The following ARHGAP44 variants were observed in gnomAD, a reference collection of about 807,000 sequenced individuals.
ARHGAP44 encodes rho GTPase-activating protein 44.
Under a neutral mutation model 106.8 loss-of-function variants are expected in ARHGAP44, and 43 were observed. That is an observed-to-expected ratio of 0.40 (90% CI 0.32 to 0.52). The LOEUF (loss-of-function observed/expected upper bound fraction) is 0.52, where lower values mean the gene tolerates loss of function less well. Among genes scored for constraint, ARHGAP44 ranks in the 20% least tolerant of loss-of-function variants. The probability of loss-of-function intolerance (pLI) is 0.48; values close to 1 mark genes in which losing one functional copy is unlikely to be tolerated. For synonymous variants in ARHGAP44, 439 were observed against 410.3 expected, an observed-to-expected ratio of 1.07 and a Z score of -0.85; for missense variants, 866 against 1,050.5, an observed-to-expected ratio of 0.82 and a Z score of 2.43.
intron 1 of ARHGAP44, among the ~76,000 whole-genome samples, chr17:12,858,381 C>T (rs1261497189): frequency 6.6e-6 from 1 of 152,186 alleles, no homozygotes; most frequent in Non-Finnish European, 1.5e-5. Context: ...AGATTACTGG[C>T]TGCAGTTGTG....
rs143421987 is a variant in ARHGAP44, at chr17:12,795,763, G to A, written c.53+5872G>A. ...GTAGTTGTAGGTCAGGCAGGAGGTT[G>A]GGGGGAGAGTCAGAGAGTCAGGCCT... On this transcript the variant is annotated intron_variant, in intron 1 of 20. Coordinates refer to ENST00000379672, the MANE Select transcript of ARHGAP44 (RefSeq NM_014859.6). Among the ~76,000 whole-genome samples the A allele has an allele frequency of 6.4e-3, 970 of 152,092 alleles. 6 individuals are homozygous for A. Among genetic ancestry groups the A allele is most frequent in the Middle Eastern group, 0.031 (9 of 294 alleles).
At chr17:12,934,708 T>A (rs985266936) in intron 7 of ARHGAP44, among the ~76,000 whole-genome samples, 3 of 152,132 alleles carry the variant, frequency 2.0e-5, no homozygotes, top group African/African-American at 4.8e-5. Context: ...CTTAGGATAC[T>A]ATAATGGTGG....
intron 1 of ARHGAP44, among the ~76,000 whole-genome samples, chr17:12,893,222 C>G (rs975406282): frequency 7.2e-5 from 11 of 152,118 alleles, no homozygotes; most frequent in Admixed American, 6.6e-4. Context: ...CTTGTTAATA[C>G]TTGGTGGGTG....
intron 8 of ARHGAP44, among the ~76,000 whole-genome samples, 164 bp from the exon 9 acceptor site, chr17:12,943,424 G>T (rs2038757598): frequency 6.6e-6 from 1 of 152,186 alleles, no homozygotes; most frequent in Non-Finnish European, 1.5e-5. Context: ...TGTTATGGAG[G>T]CTAAAGAGGA....
chr17:12,801,910 C>G (rs890088408), intron 1 of ARHGAP44, among the ~76,000 whole-genome samples: 1 of 151,888 alleles, frequency 6.6e-6, no homozygotes, highest in Admixed American at 6.6e-5. Flanking sequence ...AAAAAGCTTC[C>G]AGGGCTCAAA....
chr17:12,970,793 CCTT>C, intron 16 of ARHGAP44, among the ~76,000 whole-genome samples: 1 of 152,316 alleles, frequency 6.6e-6, no homozygotes, highest in Non-Finnish European at 1.5e-5. Flanking sequence ...GCTGATATAA[CCTT>C]CTAGTTGGAT....
At chr17:12,901,424 T>C (rs145131192) in intron 3 of ARHGAP44, among the ~76,000 whole-genome samples, 123 of 152,120 alleles carry the variant, frequency 8.1e-4, no homozygotes, top group Non-Finnish European at 1.5e-3. Flanking sequence ...ATGTTCAAAA[T>C]TGTATGAATA....
At position 12,976,243 on chromosome 17, in the gene ARHGAP44, ACACACC is replaced by A. The variant is rs201648024; in HGVS notation, c.1763+1946_1763+1951del. ...ACACCATCACCACCAGCACACAAAC[ACACACC>A]CACACCCACACCAACCCCCTACATG... On this transcript the variant is annotated intron_variant, in intron 18 of 20. Coordinates refer to ENST00000379672, the MANE Select transcript of ARHGAP44 (RefSeq NM_014859.6). 8.8e-4 allele frequency among the ~76,000 whole-genome samples: 134 copies of A among 152,080 alleles called. 1 individual carries two copies. The East Asian group carries it at 0.02, about 23-fold the overall frequency.
chr17:12,944,005 C>G (rs138240086), intron 9 of ARHGAP44, 64 bp from the exon 10 acceptor site: 1 of 1,496,432 alleles, frequency 6.7e-7, no homozygotes, highest in African/African-American at 1.4e-5. Context: ...CAAAGGAAAG[C>G]GAGATTCCAG....
rs58514182 is a variant in ARHGAP44, at chr17:12,847,512, C to CTTTTTTT, written c.54-47415_54-47409dup. Among the ~76,000 whole-genome samples, 51 of 125,454 alleles carry CTTTTTTT rather than the reference C, an allele frequency of 4.1e-4. 3 individuals are homozygous for CTTTTTTT. Among genetic ancestry groups the CTTTTTTT allele is most frequent in the African/African-American group, 1.6e-3 (49 of 30,884 alleles). 82.3% of individuals were successfully genotyped at this position (125,454 alleles called of 152,430 possible). ...CACCTTCCTTCAAGCTACCATCACTCTTTTTTTTTTTTTTTTTTTGAGACG... is the reference window on the plus strand; with the variant it reads ...CACCTTCCTTCAAGCTACCATCACTCTTTTTTTTTTTTTTTTTTTTTTTTTTGAGACG... On this transcript the variant is annotated intron_variant, in intron 1 of 20. Transcript: ENST00000379672.
intron 4 of ARHGAP44, among the ~76,000 whole-genome samples, chr17:12,914,585 A>G (rs2037846798): frequency 6.6e-6 from 1 of 152,164 alleles, no homozygotes; most frequent in Admixed American, 6.5e-5. Flanking sequence ...ACCTGAGGTC[A>G]GGAGTTCGAG....
At chr17:12,878,538 T>C (rs902563872) in intron 1 of ARHGAP44, among the ~76,000 whole-genome samples, 3 of 151,656 alleles carry the variant, frequency 2.0e-5, no homozygotes, top group Non-Finnish European at 2.9e-5. Context: ...TGGATAGTGC[T>C]TTTTACCTTG....
chr17:12,979,462 A>G (rs1347775035), intron 18 of ARHGAP44, among the ~76,000 whole-genome samples: 3 of 152,080 alleles, frequency 2.0e-5, no homozygotes, highest in Non-Finnish European at 4.4e-5. Context: ...ACTGGCCCAC[A>G]TTTAAGGGCA....
intron 16 of ARHGAP44, among the ~76,000 whole-genome samples, chr17:12,969,753 C>T (rs149818462): frequency 6.6e-6 from 1 of 152,330 alleles, no homozygotes; most frequent in Non-Finnish European, 1.5e-5. Flanking sequence ...TGTATGACCG[C>T]TCAGCTTCTG....
intron 1 of ARHGAP44, among the ~76,000 whole-genome samples, chr17:12,853,060 G>A (rs1376560806): frequency 6.6e-6 from 1 of 152,152 alleles, no homozygotes; most frequent in East Asian, 1.9e-4. Flanking sequence ...TGATCACAAG[G>A]TGAAGTCCCA....
intron 16 of ARHGAP44, among the ~76,000 whole-genome samples, chr17:12,966,784 A>G (rs10521206): frequency 0.053 from 8,115 of 152,176 alleles, 785 homozygotes; most frequent in East Asian, 0.48. Context: ...CCAAATCTCT[A>G]TAGACTTGAA....
chr17:12,943,327 C>G (rs948127883), intron 8 of ARHGAP44, among the ~76,000 whole-genome samples: 2 of 152,230 alleles, frequency 1.3e-5, no homozygotes, highest in Non-Finnish European at 2.9e-5. Context: ...AAATCAAGCT[C>G]TCTAAGCCAC....
At chr17:12,828,028 CA>C (rs60301804) in intron 1 of ARHGAP44, among the ~76,000 whole-genome samples, 4,960 of 73,890 alleles carry the variant, frequency 0.067, 74 homozygotes, top group African/African-American at 0.094. Context: ...CTGGCCATCT[CA>C]AAAAAAAAAA....
At chr17:12,832,957 AC>A (rs1194611106) in intron 1 of ARHGAP44, among the ~76,000 whole-genome samples, 3 of 152,108 alleles carry the variant, frequency 2.0e-5, no homozygotes, top group Admixed American at 1.3e-4. Flanking sequence ...GCATGGCCTA[AC>A]CTTTTCCTTC....
Sources: gnomAD v4.1 joint callset for allele counts (sites outside exome capture counted in the v4.1 genomes callset) on GRCh38, gnomAD v4.1.1 for gene constraint, MANE v1.5 for transcripts, NCBI Gene and HGNC (gene_info 2026-07-23, HGNC 2026-07-21) for gene names.